KIF19: variants seen among roughly 807,000 people sequenced by gnomAD.
KIF19 encodes kinesin-like protein KIF19.
Under a neutral mutation model 106.6 loss-of-function variants are expected in KIF19, and 98 were observed. The observed-to-expected ratio is 0.92, with a 90% CI of 0.78 to 1.09. The LOEUF (loss-of-function observed/expected upper bound fraction) is 1.09, where lower values mean the gene tolerates loss of function less well. KIF19 is among the 50% of genes least tolerant of loss of function. The pLI is 0.00. For synonymous variants in KIF19, 516 were observed against 584.2 expected (o/e 0.88, Z 1.68); for missense variants, 1,373 against 1,414.3 (o/e 0.97, Z 0.47).
chr17:74,354,846 T>C lies in KIF19; in HGVS notation c.2771T>C (p.Met924Thr). Residue 924 changes from methionine to threonine, a missense_variant, in exon 19 of 20, where the codon ATG becomes ACG. Met to Thr is a moderately conservative substitution (Grantham distance 81, BLOSUM62 -1). Around this residue, in one of 3 missense-constraint regions of KIF19, gnomAD observed 1,020 missense variants for 1,008.2 expected, o/e 1.01. Transcript: ENST00000389916. ...GCGGAGCGCATCTCGGACCACAGGA[T>C]GCCAGTGTGCAGGCACCCAGCCCCT... ...HQAERISDHR[M>T]PVCRHPAPGI... The C allele has an allele frequency of 6.4e-7, 1 of 1,562,290 alleles. No homozygotes were observed. Among genetic ancestry groups the C allele is most frequent in the Non-Finnish European group, 8.7e-7 (1 of 1,153,708 alleles).
At chr17:74,350,656 C>T in intron 11 of KIF19, 51 bp from the exon 12 acceptor site, 1 of 1,610,574 alleles carries the variant, frequency 6.2e-7, no homozygotes, top group South Asian at 1.1e-5. Context: ...GTACAGTGTG[C>T]CCTGCCCCCA....
chr17:74,341,870 T>G lies in KIF19; in HGVS notation c.121-6T>G. ...GACCGTGGGCCTCCCTCTGGGGACC[T>G]TGCAGATGGTGGTTCTCATGGACCC... On this transcript the variant is annotated splice_polypyrimidine_tract_variant and splice_region_variant and intron_variant, in intron 2 of 19. Coordinates refer to ENST00000389916, the MANE Select transcript of KIF19 (RefSeq NM_153209.4). 1 of 1,611,826 alleles carries G rather than the reference T, an allele frequency of 6.2e-7. No homozygotes were observed. The highest frequency in any genetic ancestry group is 8.5e-7 in the Non-Finnish European group (1 of 1,178,066).
At chr17:74,340,261 G>A (rs967609654) in intron 2 of KIF19, among the ~76,000 whole-genome samples, 7 of 152,082 alleles carry the variant, frequency 4.6e-5, no homozygotes, top group Admixed American at 2.6e-4. Context: ...GCCCTCCCAC[G>A]CATCTTTGAA....
Position 74,326,373 on chromosome 17 carries a change from G to C in KIF19, c.24G>C (p.Lys8Asn). MKDSGDSKDQQLMVALRV... is the reference protein window; with the variant it reads MKDSGDSNDQQLMVALRV... ...TCATGAAGGACAGCGGGGACTCCAA[G>C]GACCAGCAACTCATGGTGAGACCCT... The change falls in exon 1 of 20, where the codon AAG (lysine) becomes AAC (asparagine). Residue 8 changes from lysine to asparagine, a missense_variant. Around this residue, in one of 3 missense-constraint regions of KIF19, gnomAD observed 348 missense variants for 389.5 expected, o/e 0.89. Transcript: ENST00000389916. 4 of 1,612,944 alleles carry C rather than the reference G, an allele frequency of 2.5e-6. No individual in the cohort carries two copies. The highest frequency in any genetic ancestry group is 3.4e-6 in the Non-Finnish European group (4 of 1,179,564).
chr17:74,328,766 T>C (rs2053988232), intron 2 of KIF19: 1 of 368,718 alleles, frequency 2.7e-6, no homozygotes, highest in African/African-American at 2.1e-5. Context: ...ACATGCTCAT[T>C]GCTTGACTTT....
chr17:74,353,058 A>G (rs1000049505), intron 15 of KIF19, 104 bp downstream of exon 15: 5 of 1,476,240 alleles, frequency 3.4e-6, no homozygotes, highest in Middle Eastern at 1.7e-4. Flanking sequence ...AATGAGAGGG[A>G]GCAGGTGGCC....
chr17:74,354,115 G>C, intron 17 of KIF19, 47 bp from the exon 18 acceptor site: 1 of 1,559,974 alleles, frequency 6.4e-7, no homozygotes, highest in Non-Finnish European at 8.6e-7. Context: ...AGGGTGTTGA[G>C]AGGTGGCCTT....
intron 2 of KIF19, among the ~76,000 whole-genome samples, chr17:74,334,762 A>G (rs1326022487): frequency 6.6e-6 from 1 of 152,112 alleles, no homozygotes; most frequent in Non-Finnish European, 1.5e-5. Context: ...AAACAAACAG[A>G]AACAGAAACA....
In KIF19 at chr17:74,349,283, G is replaced by C; in HGVS notation, c.1147G>C (p.Asp383His). The C allele has an allele frequency of 6.2e-7, 1 of 1,613,184 alleles. No individual in the cohort carries two copies. The highest frequency in any genetic ancestry group is 8.5e-7 in the Non-Finnish European group (1 of 1,179,720). The change falls in exon 10 of 20, where the codon GAT becomes CAT. Residue 383 changes from aspartate to histidine, a missense_variant. Physicochemically the swap from Asp to His is moderately conservative, Grantham distance 81 (BLOSUM62 -1). Around this residue, in one of 3 missense-constraint regions of KIF19, gnomAD observed 1,020 missense variants for 1,008.2 expected, o/e 1.01. Coordinates refer to ENST00000389916, the MANE Select transcript of KIF19 (RefSeq NM_153209.4). ...GEIQRLKRKI[D>H]EQTGRGQARG... ...GATCCAGCGACTCAAGCGCAAGATT[G>C]ATGAGCAGACTGGGCGGGGCCAGGC...
intron 1 of KIF19, among the ~76,000 whole-genome samples, chr17:74,328,142 C>T (rs2053963814): frequency 6.6e-6 from 1 of 152,186 alleles, no homozygotes; most frequent in African/African-American, 2.4e-5. Flanking sequence ...AGGGGAGCTG[C>T]GAGTGTTTTA....
intron 2 of KIF19, among the ~76,000 whole-genome samples, chr17:74,337,312 C>T (rs2054243251): frequency 6.7e-6 from 1 of 148,720 alleles, no homozygotes; most frequent in Admixed American, 6.7e-5. Flanking sequence ...AGAAGCCTCC[C>T]CTAGTAGGGA....
intron 7 of KIF19, among the ~76,000 whole-genome samples, chr17:74,345,558 G>A (rs1055926299): frequency 2.0e-5 from 3 of 152,176 alleles, no homozygotes; most frequent in African/African-American, 7.2e-5. Context: ...AGCCTTGGTG[G>A]CAGCACCACC....
At chr17:74,333,024 GATAA>G (rs908761713) in intron 2 of KIF19, among the ~76,000 whole-genome samples, 34 of 152,354 alleles carry the variant, frequency 2.2e-4, no homozygotes, top group African/African-American at 7.9e-4. Context: ...TGTTGGGAAA[GATAA>G]ATAAAGTATA....
intron 2 of KIF19, among the ~76,000 whole-genome samples, chr17:74,340,555 G>GCACACACACACA: frequency 0.068 from 10,097 of 148,174 alleles, 408 homozygotes; most frequent in East Asian, 0.14. Flanking sequence ...ATGCGCGCGC[G>GCACACACACACA]TACACACACA....
Position 74,346,558 on chromosome 17 carries a change from C to G in KIF19, c.924+34C>G, listed in dbSNP as rs1030582149. The G allele has an allele frequency of 7.1e-6, 11 of 1,540,642 alleles. No homozygotes were observed. The East Asian group carries it at 2.2e-4, about 31-fold the overall frequency. On this transcript the variant is annotated intron_variant, in intron 8 of 19. Transcript: ENST00000389916. This position sits in a 1 kb window ranked among gnomAD's most constrained non-coding sequence, Gnocchi z 4.6. Reference sequence around the variant, plus strand: ...CACAGCTGGGCCTGGGCACTGGGCACCAAGGGTGAGGCTGCCAGATTAAAC... The same window carrying G: ...CACAGCTGGGCCTGGGCACTGGGCAGCAAGGGTGAGGCTGCCAGATTAAAC...
intron 5 of KIF19, among the ~76,000 whole-genome samples, chr17:74,343,987 G>T (rs1354067975): frequency 6.6e-6 from 1 of 152,176 alleles, no homozygotes; most frequent in Non-Finnish European, 1.5e-5. Context: ...TGGTTTCAAA[G>T]CCTCCTGTAA....
chr17:74,326,445 C>T (rs1180086891), intron 1 of KIF19, 57 bp downstream of exon 1: 2 of 1,556,182 alleles, frequency 1.3e-6, no homozygotes, highest in African/African-American at 1.4e-5. Context: ...TTCAGTCGGC[C>T]TCCAGCGACA....
In KIF19 at chr17:74,355,400, A is replaced by C; in HGVS notation, c.*88A>C. 6.3e-6 allele frequency: 9 copies of C among 1,427,380 alleles called. No homozygotes were observed. Among genetic ancestry groups the C allele is most frequent in the Non-Finnish European group, 8.3e-6 (9 of 1,081,880 alleles). 88.4% of individuals were successfully genotyped at this position (1,427,380 alleles called of 1,614,324 possible). A position where few individuals can be genotyped will look rare whatever the true frequency, so the allele number is the denominator to read the frequency against. On this transcript the variant is annotated 3_prime_UTR_variant, in exon 20 of 20. Coordinates refer to ENST00000389916, the MANE Select transcript of KIF19 (RefSeq NM_153209.4). ...GGAGGTGGAGGCTGGGCAGATGGAG[A>C]TGACCAGGAAGTAAGCTCAGGATCT...
intron 2 of KIF19, 170 bp downstream of exon 2, chr17:74,328,675 C>A (rs1277845947): frequency 1.0e-5 from 6 of 585,078 alleles, no homozygotes; most frequent in Non-Finnish European, 1.8e-5. Context: ...GGGGGCTCTT[C>A]TTCCAGGAAG....
Sources: gnomAD v4.1 joint callset for allele counts (sites outside exome capture counted in the v4.1 genomes callset) on GRCh38, gnomAD v4.1.1 for gene constraint, gnomAD v4.1.1 regional missense constraint, Gnocchi (gnomAD v3.1) non-coding constraint, MANE v1.5 for transcripts, NCBI Gene and HGNC (gene_info 2026-07-23, HGNC 2026-07-21) for gene names.